The following CFC1 variants were observed in gnomAD, a reference collection of about 807,000 sequenced individuals.
The protein encoded by CFC1 is cryptic, EGF-CFC family member 1, also known as cryptic protein.
For missense variants in CFC1, 14 were observed against 120.0 expected, an observed-to-expected ratio of 0.12 and a Z score of 4.13; for synonymous variants, 8 against 50.7, an observed-to-expected ratio of 0.16 and a Z score of 3.58.
chr2:130,594,266 G>T (rs573764578), intron 5 of CFC1, among the ~76,000 whole-genome samples: 135 of 148,320 alleles, frequency 9.1e-4, no homozygotes, highest in South Asian at 8.3e-4. Context: ...TGTTCCAGGG[G>T]TGCCAGAATC....
intron 5 of CFC1, among the ~76,000 whole-genome samples, chr2:130,594,505 TCCCAGA>T (rs1231894914): frequency 1.0e-4 from 14 of 137,236 alleles, no homozygotes; most frequent in African/African-American, 4.6e-4. Context: ...TCCAATGGCA[TCCCAGA>T]GGTCTGTAGA....
At chr2:130,598,445 AAAG>A (rs1573959993) in intron 3 of CFC1, among the ~76,000 whole-genome samples, 194 bp downstream of exon 3, 2 of 150,842 alleles carry the variant, frequency 1.3e-5, no homozygotes, top group East Asian at 3.8e-4. Flanking sequence ...TTTACCAATG[AAAG>A]AGTAAAGCTT....
chr2:130,599,168 C>T, intron 1 of CFC1, 97 bp downstream of exon 1: 2 of 45,172 alleles, frequency 4.4e-5, no homozygotes, highest in South Asian at 3.4e-4. Flanking sequence ...AGAAAGTGTA[C>T]ACCTCCTTTA....
At chr2:130,594,296 G>A (rs1229297609) in intron 5 of CFC1, among the ~76,000 whole-genome samples, 15 of 148,018 alleles carry the variant, frequency 1.0e-4, no homozygotes, top group African/African-American at 1.3e-4. Context: ...GAATGCTAAC[G>A]TCTAGGCTCA....
At chr2:130,595,567 T>TAAAAATA (rs1177392819) in intron 5 of CFC1, among the ~76,000 whole-genome samples, 1 of 146,600 alleles carries the variant, frequency 6.8e-6, no homozygotes, top group Non-Finnish European at 1.5e-5. Context: ...CCGTCTCTAC[T>TAAAAATA]AAAAATAAAA....
At chr2:130,593,936 T>G (rs1311598848) in intron 5 of CFC1, among the ~76,000 whole-genome samples, 2 of 139,272 alleles carry the variant, frequency 1.4e-5, no homozygotes, top group Non-Finnish European at 3.0e-5. Context: ...TGTCTTGGAG[T>G]GGGGTCAGGC....
In CFC1 at chr2:130,598,920, A is replaced by G. The variant is rs200918108; in HGVS notation, c.63T>C (p.Asn21=). 4.9e-3 allele frequency: 5,454 copies of G among 1,116,138 alleles called. 2 individuals carry two copies. In the African/African-American group the frequency reaches 0.091, roughly 19 times the overall value. 69.1% of individuals were successfully genotyped at this position (1,116,138 alleles called of 1,614,324 possible). ...TAAAATGTTTCTTACTGTTTCCCAA[A>G]TTGATGATCTGTAATGCCAAACTGA... ...FTVSLALQII[N]LGNSYQREKH... is the part of the protein sequence containing the mutation. The change falls in exon 2 of 6, where the codon AAT becomes AAC. Residue 21 remains asparagine, a synonymous_variant. Coordinates refer to ENST00000259216, the MANE Select transcript of CFC1 (RefSeq NM_032545.4).
intron 5 of CFC1, among the ~76,000 whole-genome samples, chr2:130,595,715 G>C (rs1306310094): frequency 2.0e-5 from 3 of 151,144 alleles, no homozygotes; most frequent in African/African-American, 7.4e-5. Context: ...CCCAGCCCGG[G>C]CGACAGAGTG....
At chr2:130,594,302 G>A (rs1337975311) in intron 5 of CFC1, among the ~76,000 whole-genome samples, 25 of 147,828 alleles carry the variant, frequency 1.7e-4, no homozygotes, top group African/African-American at 6.4e-4. Flanking sequence ...TAACGTCTAG[G>A]CTCAGACGAG....
chr2:130,595,797 G>A (rs1684949593), intron 5 of CFC1, among the ~76,000 whole-genome samples: 1 of 149,228 alleles, frequency 6.7e-6, no homozygotes, highest in Non-Finnish European at 1.5e-5. Flanking sequence ...TTTACTATCT[G>A]TAGGAGTTGA....
intron 5 of CFC1, among the ~76,000 whole-genome samples, chr2:130,595,551 TA>T (rs1684943584): frequency 6.8e-6 from 1 of 147,114 alleles, no homozygotes; most frequent in African/African-American, 2.7e-5. Context: ...CTAACATGGT[TA>T]AACCCCGTCT....
chr2:130,598,139 C>CA (rs1425271556), intron 3 of CFC1, among the ~76,000 whole-genome samples, 157 bp from the exon 4 acceptor site: 2 of 102,324 alleles, frequency 2.0e-5, no homozygotes, highest in Non-Finnish European at 3.7e-5. Context: ...GGATGTGAAA[C>CA]AAACTATCAG....
chr2:130,595,719 C>T (rs1225093440), intron 5 of CFC1, among the ~76,000 whole-genome samples: 2 of 150,982 alleles, frequency 1.3e-5, no homozygotes, highest in African/African-American at 5.0e-5. Flanking sequence ...GCCCGGGCGA[C>T]AGAGTGAGAC....
intron 5 of CFC1, among the ~76,000 whole-genome samples, chr2:130,595,701 G>A (rs1426240771): frequency 1.3e-5 from 2 of 150,720 alleles, no homozygotes; most frequent in Admixed American, 6.6e-5. Flanking sequence ...CTGCGCCACT[G>A]CACCCCAGCC....
chr2:130,595,008 G>A (rs1318356318), intron 5 of CFC1, among the ~76,000 whole-genome samples: 6 of 145,180 alleles, frequency 4.1e-5, no homozygotes, highest in African/African-American at 1.7e-4. Flanking sequence ...TCCCATTAAA[G>A]GATTTAAAAC....
chr2:130,594,589 T>C, intron 5 of CFC1, among the ~76,000 whole-genome samples: 1 of 133,608 alleles, frequency 7.5e-6, no homozygotes. Flanking sequence ...GAATGGCATG[T>C]TTAAAAATGA....
At chr2:130,593,321 T>G (rs1256733084) in intron 5 of CFC1, among the ~76,000 whole-genome samples, 1 of 152,274 alleles carries the variant, frequency 6.6e-6, no homozygotes, top group East Asian at 1.9e-4. Context: ...CAGTACTGTG[T>G]TTAAAGGGGG....
chr2:130,595,028 T>G (rs1400077449), intron 5 of CFC1, among the ~76,000 whole-genome samples: 1 of 145,610 alleles, frequency 6.9e-6, no homozygotes, highest in Non-Finnish European at 1.5e-5. Context: ...CATTTACTTA[T>G]CTATTACTGT....
chr2:130,593,252 G>C (rs1342391980), intron 5 of CFC1, among the ~76,000 whole-genome samples, 176 bp from the exon 6 acceptor site: 3 of 152,172 alleles, frequency 2.0e-5, no homozygotes, highest in African/African-American at 7.2e-5. Context: ...AGTCCCGGCC[G>C]GCTGCACAGA....
Sources: allele counts gnomAD v4.1 joint callset (sites outside exome capture counted in the v4.1 genomes callset), GRCh38; gene constraint gnomAD v4.1.1; transcripts MANE v1.5; gene names NCBI Gene and HGNC (gene_info 2026-07-23, HGNC 2026-07-21).